Variants in ANAPC5 observed in about 807,000 individuals in gnomAD.
ANAPC5 encodes anaphase promoting complex subunit 5, also known as anaphase-promoting complex subunit 5.
A neutral mutation model predicts 91.3 loss-of-function variants in ANAPC5; 60 were observed. The ratio of observed to expected loss-of-function variants is 0.66; its 90% CI spans 0.53 to 0.81. The LOEUF is 0.81. Ranked by LOEUF, ANAPC5 falls within the 40% of genes least tolerant of loss-of-function variation. The pLI is 0.00. For missense variants in ANAPC5, 690 were observed against 931.5 expected, an observed-to-expected ratio of 0.74 and a Z score of 3.37; for synonymous variants, 340 against 364.1, an observed-to-expected ratio of 0.93 and a Z score of 0.75.
chr12:121,349,658 C>G (rs1308333526), intron 1 of ANAPC5, among the ~76,000 whole-genome samples: 1 of 149,302 alleles, frequency 6.7e-6, no homozygotes, highest in Non-Finnish European at 1.5e-5. Context: ...GAAAGAATTC[C>G]AAACAGCAAA....
At chr12:121,315,023 A>G (rs1353849878) in intron 15 of ANAPC5, among the ~76,000 whole-genome samples, 3 of 152,168 alleles carry the variant, frequency 2.0e-5, no homozygotes, top group Non-Finnish European at 4.4e-5. Context: ...TGGGAATGGA[A>G]GAGGTAAAAC....
At chr12:121,335,057 CT>C (rs1355736944) in intron 7 of ANAPC5, 1 of 152,672 alleles carries the variant, frequency 6.5e-6, no homozygotes, top group Admixed American at 6.5e-5. Flanking sequence ...TTCCTATCTT[CT>C]TTTTAAAAAA....
rs748066692 is a variant in ANAPC5 at position 121,318,382 on chromosome 12, G to A, written c.1788C>T (p.Ser596=). The part of the protein sequence containing the change: ...SVAELYWRSS[S]PTIALPMLLQ... ...GGAGCATGGGCAGCGCGATGGTAGG[G>A]GAGGAAGATCGCCAGTACAGCTCTG... Residue 596 remains serine, a synonymous_variant, in exon 15 of 17, where the codon TCC becomes TCT. Transcript: ENST00000261819. The A allele has an allele frequency of 6.2e-7, 1 of 1,612,348 alleles. No homozygotes were observed. Among genetic ancestry groups the A allele is most frequent in the Admixed American group, 1.7e-5 (1 of 59,692 alleles).
chr12:121,335,911 G>A (rs1903218169), intron 6 of ANAPC5, among the ~76,000 whole-genome samples, 188 bp from the exon 7 acceptor site: 1 of 152,112 alleles, frequency 6.6e-6, no homozygotes, highest in African/African-American at 2.4e-5. Flanking sequence ...CCCCCTAGAG[G>A]GAGTCCACAA....
chr12:121,331,462 T>C (rs62620751), intron 7 of ANAPC5, 34 bp from the exon 8 acceptor site: 58,241 of 1,561,318 alleles, frequency 0.037, 1,324 homozygotes, highest in Non-Finnish European at 0.044. Context: ...ATCCCATTAA[T>C]AATCACAAAC....
intron 15 of ANAPC5, among the ~76,000 whole-genome samples, chr12:121,311,469 C>A (rs1466192506): frequency 7.1e-6 from 1 of 141,310 alleles, no homozygotes; most frequent in Non-Finnish European, 1.5e-5. Flanking sequence ...CAATTATAAA[C>A]AAGCCAAACA....
At chr12:121,329,451 C>T (rs1447425986) in intron 9 of ANAPC5, among the ~76,000 whole-genome samples, 2 of 151,888 alleles carry the variant, frequency 1.3e-5, no homozygotes, top group African/African-American at 2.4e-5. Context: ...CACGCCAGGC[C>T]GATTTTAAAG....
chr12:121,327,189 G>A lies in ANAPC5; in HGVS notation c.1347C>T (p.Asn449=), dbSNP rs1902852338. 1 of 1,613,592 alleles carries A rather than the reference G, an allele frequency of 6.2e-7. No individual in the cohort carries two copies. The highest frequency in any genetic ancestry group is 2.2e-5 in the East Asian group (1 of 44,872). ...CGCCCGCATTCACCGCCTCCAGGCT[G>A]TTCATGCTCAGCAACATCTGGGCCT... ...LQQAQMLLSM[N]SLEAVNAGVQ... Residue 449 remains asparagine (N), a synonymous_variant, in exon 11 of 17, where the codon AAC becomes AAT. Transcript: ENST00000261819.
intron 11 of ANAPC5, among the ~76,000 whole-genome samples, chr12:121,324,201 G>A (rs1902722837): frequency 6.6e-6 from 1 of 152,120 alleles, no homozygotes; most frequent in South Asian, 2.1e-4. Context: ...TGCCTTCTCT[G>A]CAGCTGGCCA....
In ANAPC5 at chr12:121,342,056, A is replaced by G; in HGVS notation, c.604T>C (p.Ser202Pro). 1 of 1,608,848 alleles carries G rather than the reference A, an allele frequency of 6.2e-7. No homozygotes were observed. The highest frequency in any genetic ancestry group is 1.1e-5 in the South Asian group (1 of 90,104). Residue 202 changes from serine to proline, a missense_variant, in exon 5 of 17, where the codon TCT becomes CCT. This residue lies in a region of ANAPC5 where 238 missense variants were observed against 264.9 expected (regional missense o/e 0.90). Transcript: ENST00000261819. The surrounding 1 kb of genome is among the most constrained non-coding windows in gnomAD (Gnocchi z 4.1). ...TTTTGGGACAGAGGCCCACTGCAAG[A>G]TACCTCCTCTTCTCTGGAAAAAATA... ...LDVSVREEEV[S>P]CSGPLSQKQA...
chr12:121,322,882 G>A (rs925001102), intron 11 of ANAPC5, among the ~76,000 whole-genome samples: 5 of 152,036 alleles, frequency 3.3e-5, no homozygotes, highest in South Asian at 2.1e-4. Flanking sequence ...AAAATAAGCC[G>A]GGCGCAGTGG....
intron 10 of ANAPC5, chr12:121,327,595 G>A: frequency 8.6e-6 from 2 of 233,452 alleles, no homozygotes; most frequent in Non-Finnish European, 1.7e-5. Context: ...GTAAGCAGTG[G>A]CCAGTGTCTG....
At position 121,330,702 on chromosome 12, in the gene ANAPC5, T is replaced by A. The variant is rs782059026; in HGVS notation, c.1033-30A>T. The A allele has an allele frequency of 8.2e-6, 13 of 1,579,470 alleles. No individual in the cohort carries two copies. The African/African-American group carries it at 1.5e-4, about 18-fold the overall frequency. ...CAAGAGAAATCATCAAAATATATCA[T>A]AACAGTGGCAATGGCTGATGTTCTA... On this transcript the variant is annotated intron_variant, in intron 8 of 16. Coordinates refer to ENST00000261819, the MANE Select transcript of ANAPC5 (RefSeq NM_016237.5).
intron 4 of ANAPC5, among the ~76,000 whole-genome samples, 170 bp downstream of exon 4, chr12:121,345,669 G>A (rs1295018579): frequency 6.6e-6 from 1 of 152,136 alleles, no homozygotes; most frequent in Non-Finnish European, 1.5e-5. Flanking sequence ...CCAATCACAA[G>A]TCAGAGGGCA....
chr12:121,320,414 G>T lies in ANAPC5; in HGVS notation c.1486C>A (p.Arg496=), dbSNP rs1434842906. ...GCGTGCTGACTATTAGGCGGAAATC[G>T]TTCCTTCAAGTGCTTTAACACTTCA... ...ASEVLKHLKE[R]FPPNSQHAQL... is the part of the protein sequence containing the mutation. Residue 496 remains arginine (R), a synonymous_variant, in exon 12 of 17, where the codon CGA becomes AGA. Coordinates refer to ENST00000261819, the MANE Select transcript of ANAPC5 (RefSeq NM_016237.5). 1 of 1,613,510 alleles carries T rather than the reference G, an allele frequency of 6.2e-7. No homozygotes were observed. Among genetic ancestry groups the T allele is most frequent in the East Asian group, 2.2e-5 (1 of 44,890 alleles).
In ANAPC5 at chr12:121,336,572, G is replaced by A. The variant is rs185741023; in HGVS notation, c.759+719C>T. Among the ~76,000 whole-genome samples, 1,063 of 152,188 alleles carry A rather than the reference G, an allele frequency of 7.0e-3. 33 individuals carry two copies. The highest frequency in any genetic ancestry group is 4.8e-3 in the Non-Finnish European group (328 of 68,004). ...CGTGTGCCTGTACTCCCAGCTACTC[G>A]AGAGGCTGAGGCAGGAGAATCACTG... On this transcript the variant is annotated intron_variant, in intron 6 of 16. Transcript: ENST00000261819.
At chr12:121,323,636 G>A (rs1047080872) in intron 11 of ANAPC5, among the ~76,000 whole-genome samples, 1 of 152,086 alleles carries the variant, frequency 6.6e-6, no homozygotes, top group Non-Finnish European at 1.5e-5. Context: ...CACCCAACTG[G>A]GAGGTTTATC....
At chr12:121,328,244 T>C (rs1413061162) in intron 10 of ANAPC5, 72 bp downstream of exon 10, 5 of 1,468,442 alleles carry the variant, frequency 3.4e-6, no homozygotes, top group Non-Finnish European at 4.7e-6. Flanking sequence ...TGTATGGCCT[T>C]TCACAGAACC....
intron 2 of ANAPC5, chr12:121,347,442 C>A: frequency 3.8e-6 from 1 of 262,608 alleles, no homozygotes; most frequent in Non-Finnish European, 7.2e-6. Flanking sequence ...CCAGCCTAGG[C>A]AACAAAGCAA....
Sources: gnomAD v4.1 joint callset for allele counts (sites outside exome capture counted in the v4.1 genomes callset) on GRCh38, gnomAD v4.1.1 for gene constraint, gnomAD v4.1.1 regional missense constraint, Gnocchi (gnomAD v3.1) non-coding constraint, MANE v1.5 for transcripts, NCBI Gene and HGNC (gene_info 2026-07-23, HGNC 2026-07-21) for gene names.